The following MORC1 variants were observed in gnomAD, a reference collection of about 807,000 sequenced individuals.
MORC1 encodes MORC family CW-type zinc finger 1, also known as MORC family CW-type zinc finger protein 1.
A neutral mutation model predicts 134.9 loss-of-function variants in MORC1; 59 were observed. The observed-to-expected ratio is 0.44, with a 90% CI of 0.35 to 0.54. The LOEUF (loss-of-function observed/expected upper bound fraction) is 0.54, where lower values mean the gene tolerates loss of function less well. Among genes scored for constraint, MORC1 ranks in the 20% least tolerant of loss-of-function variants. MORC1 has a pLI of 0.00. For synonymous variants in MORC1, 395 were observed against 391.7 expected (o/e 1.01, Z -0.10); for missense variants, 947 against 1,134.5 (o/e 0.83, Z 2.37).
Position 109,069,655 on chromosome 3 carries a change from A to T in MORC1, c.792T>A (p.Leu264=). ...IQAKRVKTKH[L]CYCLYRPRKY... is the part of the protein sequence containing the mutation. Reference sequence around the variant, plus strand: ...ACCTGGGTCTGTAGAGGCAATAGCAAAGATGTTTAGTTTTAACTCTCTTGG... The same window carrying T: ...ACCTGGGTCTGTAGAGGCAATAGCATAGATGTTTAGTTTTAACTCTCTTGG... The change falls in exon 9 of 28, where the codon CTT becomes CTA. Residue 264 remains leucine (L), a synonymous_variant. Coordinates refer to ENST00000232603, the MANE Select transcript of MORC1 (RefSeq NM_014429.4). 6.2e-7 allele frequency: 1 copy of T among 1,609,622 alleles called. No homozygotes were observed. Among genetic ancestry groups the T allele is most frequent in the Non-Finnish European group, 8.5e-7 (1 of 1,177,038 alleles).
At chr3:108,993,927 T>C in intron 21 of MORC1, among the ~76,000 whole-genome samples, 1 of 152,204 alleles carries the variant, frequency 6.6e-6, no homozygotes, top group Non-Finnish European at 1.5e-5. Context: ...AACATAAACC[T>C]AGACACGGTA....
chr3:109,040,403 A>AAAGAAAGAGAAGGAAGGAAGGAAG (rs1553753628), intron 14 of MORC1, among the ~76,000 whole-genome samples: 17 of 13,562 alleles, frequency 1.3e-3, no homozygotes, highest in South Asian at 4.7e-3. Flanking sequence ...AGAAAGAAAG[A>AAAGAAAGAGAAGGAAGGAAGGAAG]GAAGGAAGGA....
In MORC1 at chr3:108,979,781, C is replaced by T. The variant is rs138048881; in HGVS notation, c.2325-114G>A. On this transcript the variant is annotated intron_variant, in intron 23 of 27. Coordinates refer to ENST00000232603, the MANE Select transcript of MORC1 (RefSeq NM_014429.4). Reference sequence around the variant, plus strand: ...TACAACAAATGAGAACAAGAACATGCGTGTAATGCCGAAAACTGCCACCAC... The same window carrying T: ...TACAACAAATGAGAACAAGAACATGTGTGTAATGCCGAAAACTGCCACCAC... The T allele has an allele frequency of 1.9e-4, 214 of 1,121,042 alleles. 1 individual carries two copies. In the East Asian group the frequency reaches 4.7e-3, roughly 25 times the overall value. The allele number at this position is 1,121,042 out of a possible 1,614,324, so 69.4% of individuals were successfully genotyped here.
rs1949353810 is a variant in MORC1 at position 109,035,452 on chromosome 3, T to C, written c.1347A>G (p.Thr449=). The C allele has an allele frequency of 6.8e-7, 1 of 1,473,086 alleles. No homozygotes were observed. Among genetic ancestry groups the C allele is most frequent in the Non-Finnish European group, 9.2e-7 (1 of 1,092,798 alleles). 91.3% of individuals were successfully genotyped at this position (1,473,086 alleles called of 1,614,324 possible). A position where few individuals can be genotyped will look rare whatever the true frequency, so the allele number is the denominator to read the frequency against. ...KDTGINNRNL[T]LFCNEFGYQN... Reference sequence around the variant, plus strand: ...GGTATCCAAATTCATTGCAAAACAATGTTAAATTTCTATTATCTTTTAAAA... The same window carrying C: ...GGTATCCAAATTCATTGCAAAACAACGTTAAATTTCTATTATCTTTTAAAA... The change falls in exon 15 of 28, where the codon ACA becomes ACG. Residue 449 remains threonine (T), a synonymous_variant. Coordinates refer to ENST00000232603, the MANE Select transcript of MORC1 (RefSeq NM_014429.4).
rs955348176 is a variant in MORC1 at position 109,083,240 on chromosome 3, C to T, written c.689+10196G>A. On this transcript the variant is annotated intron_variant, in intron 8 of 27. Coordinates refer to ENST00000232603, the MANE Select transcript of MORC1 (RefSeq NM_014429.4). Reference sequence around the variant, plus strand: ...TTTCCTAGACAAACAAAATTCATCACCACCAGACCCATCTTACAAGAAATG... The same window carrying T: ...TTTCCTAGACAAACAAAATTCATCATCACCAGACCCATCTTACAAGAAATG... 4.6e-5 allele frequency among the ~76,000 whole-genome samples: 7 copies of T among 151,696 alleles called. No individual in the cohort carries two copies. The East Asian group carries it at 1.2e-3, about 25-fold the overall frequency.
intron 14 of MORC1, among the ~76,000 whole-genome samples, chr3:109,036,019 A>C (rs1949370695): frequency 6.6e-6 from 1 of 152,184 alleles, no homozygotes; most frequent in Non-Finnish European, 1.5e-5. Flanking sequence ...GAGGACTGTT[A>C]GAGAGTCGTT....
At chr3:109,074,360 G>T (rs1467480626) in intron 8 of MORC1, among the ~76,000 whole-genome samples, 1 of 152,068 alleles carries the variant, frequency 6.6e-6, no homozygotes, top group Non-Finnish European at 1.5e-5. Context: ...GTAATGTTTT[G>T]AAGATAGTTA....
Position 108,995,180 on chromosome 3 carries a change from C to G in MORC1, c.2187+5377G>C, listed in dbSNP as rs549535900. Among the ~76,000 whole-genome samples the G allele has an allele frequency of 3.9e-5, 6 of 152,262 alleles. No individual in the cohort carries two copies. The East Asian group carries it at 1.2e-3, about 29-fold the overall frequency. On this transcript the variant is annotated intron_variant, in intron 21 of 27. Coordinates refer to ENST00000232603, the MANE Select transcript of MORC1 (RefSeq NM_014429.4). ...AGTGCACAGGAGTTTGTAACTATAT[C>G]TAAACAAACCCTTAATTACAGCAGT...
intron 17 of MORC1, among the ~76,000 whole-genome samples, chr3:109,024,142 T>C (rs962065288): frequency 2.0e-5 from 3 of 152,196 alleles, no homozygotes; most frequent in South Asian, 2.1e-4. Flanking sequence ...CCTTAACAAA[T>C]ATGATTTGCA....
chr3:109,010,789 G>A (rs1948664057), intron 17 of MORC1, among the ~76,000 whole-genome samples: 1 of 152,072 alleles, frequency 6.6e-6, no homozygotes, highest in South Asian at 2.1e-4. Flanking sequence ...CTTTCACTTA[G>A]AATAATTATT....
At chr3:109,063,329 AATT>A in intron 9 of MORC1, 98 bp from the exon 10 acceptor site, 1 of 647,968 alleles carries the variant, frequency 1.5e-6, no homozygotes, top group Non-Finnish European at 2.5e-6. Flanking sequence ...AGAGATACAT[AATT>A]ATTAAGAAAG....
intron 20 of MORC1, among the ~76,000 whole-genome samples, chr3:109,003,990 A>G (rs1269077233): frequency 6.6e-6 from 1 of 152,186 alleles, no homozygotes; most frequent in Non-Finnish European, 1.5e-5. Flanking sequence ...TATTCAAAAT[A>G]ATTCCTTTTG....
intron 14 of MORC1, among the ~76,000 whole-genome samples, chr3:109,053,889 T>G (rs1949887000): frequency 6.6e-6 from 1 of 152,190 alleles, no homozygotes; most frequent in South Asian, 2.1e-4. Flanking sequence ...ATAACTAAAG[T>G]TTATCTTTTT....
chr3:109,040,654 A>G (rs921831574), intron 14 of MORC1, among the ~76,000 whole-genome samples: 3 of 151,630 alleles, frequency 2.0e-5, no homozygotes, highest in African/African-American at 7.3e-5. Context: ...ACATGGTGAA[A>G]CCCCATCTCT....
intron 21 of MORC1, among the ~76,000 whole-genome samples, chr3:108,987,611 C>A (rs906110318): frequency 2.0e-5 from 3 of 151,152 alleles, no homozygotes; most frequent in East Asian, 3.9e-4. Flanking sequence ...TGCTGGTGTG[C>A]GATTGGGAGG....
chr3:109,086,073 G>C (rs1950610928), intron 8 of MORC1, among the ~76,000 whole-genome samples: 1 of 152,008 alleles, frequency 6.6e-6, no homozygotes, highest in Non-Finnish European at 1.5e-5. Flanking sequence ...TAGAATGGTA[G>C]TTACCAGAGG....
At chr3:108,990,898 T>TC (rs1559876202) in intron 21 of MORC1, among the ~76,000 whole-genome samples, 3 of 145,664 alleles carry the variant, frequency 2.1e-5, no homozygotes, top group African/African-American at 7.6e-5. Flanking sequence ...GTTTCTCTCT[T>TC]TCTCTCTCTC....
chr3:109,011,324 T>C (rs1012211051), intron 17 of MORC1, among the ~76,000 whole-genome samples: 3 of 152,216 alleles, frequency 2.0e-5, no homozygotes, highest in African/African-American at 7.2e-5. Flanking sequence ...CATAGCGTAA[T>C]CATTTTAACT....
intron 8 of MORC1, among the ~76,000 whole-genome samples, chr3:109,084,015 T>C (rs1950570648): frequency 6.6e-6 from 1 of 152,126 alleles, no homozygotes; most frequent in Non-Finnish European, 1.5e-5. Flanking sequence ...TACCTCAAAA[T>C]AATAAAAACT....
Sources: allele counts gnomAD v4.1 joint callset (sites outside exome capture counted in the v4.1 genomes callset), GRCh38; gene constraint gnomAD v4.1.1; transcripts MANE v1.5; gene names NCBI Gene and HGNC (gene_info 2026-07-23, HGNC 2026-07-21).